Variants in PAK1 observed in about 807,000 individuals in gnomAD.
PAK1 encodes the protein p21 (RAC1) activated kinase 1.
Under a neutral mutation model 67.4 loss-of-function variants are expected in PAK1, and 29 were observed. That is an observed-to-expected ratio of 0.43 (90% CI 0.32 to 0.59). The LOEUF (loss-of-function observed/expected upper bound fraction) is 0.59. PAK1 is among the 20% of genes least tolerant of loss of function. The pLI, the probability that PAK1 is intolerant of heterozygous loss-of-function variation, is 0.07. For missense variants in PAK1, 337 were observed against 670.7 expected, an observed-to-expected ratio of 0.50 and a Z score of 5.50; for synonymous variants, 223 against 237.4, an observed-to-expected ratio of 0.94 and a Z score of 0.56.
chr11:77,355,265 C>T (rs1311736377), intron 7 of PAK1, among the ~76,000 whole-genome samples: 2 of 152,142 alleles, frequency 1.3e-5, no homozygotes, highest in East Asian at 3.8e-4. Context: ...TTCCTACAAC[C>T]AAGATGGCAG....
the PAK1 span, chr11:77,529,962 A>G: frequency 6.6e-6 from 1 of 152,280 alleles, no homozygotes; most frequent in Non-Finnish European, 1.5e-5. Flanking sequence ...GAAGAGTGGC[A>G]GAGTCTGATT....
intron 10 of PAK1, 77 bp downstream of exon 10, chr11:77,343,742 T>C (rs1943990841): frequency 1.2e-6 from 1 of 850,166 alleles, no homozygotes; most frequent in Non-Finnish European, 2.0e-6. Context: ...GGGCTGGCAC[T>C]GCCCTCTTCT....
At chr11:77,325,548 T>C (rs1939600491) in intron 14 of PAK1, among the ~76,000 whole-genome samples, 1 of 152,138 alleles carries the variant, frequency 6.6e-6, no homozygotes. Context: ...ACTTTAGAGG[T>C]CACTAACCTT....
At chr11:77,434,791 G>T (rs368847434) in intron 1 of PAK1, among the ~76,000 whole-genome samples, 1 of 151,922 alleles carries the variant, frequency 6.6e-6, no homozygotes, top group Non-Finnish European at 1.5e-5. Flanking sequence ...GCTAATTTTT[G>T]TATTTTTTGT....
the PAK1 span, among the ~76,000 whole-genome samples, chr11:77,488,258 T>TA: frequency 1.5e-4 from 22 of 151,688 alleles, no homozygotes; most frequent in East Asian, 1.4e-3. Flanking sequence ...TGTAGTGATT[T>TA]AAAAAAAAAC....
At chr11:77,434,341 A>G (rs566131076) in intron 1 of PAK1, among the ~76,000 whole-genome samples, 2 of 152,354 alleles carry the variant, frequency 1.3e-5, no homozygotes, top group South Asian at 4.1e-4. Flanking sequence ...ATACAATAGA[A>G]TATTTTTCAG....
chr11:77,440,821 T>C (rs899926880), intron 1 of PAK1, among the ~76,000 whole-genome samples: 4 of 152,194 alleles, frequency 2.6e-5, no homozygotes, highest in Admixed American at 6.5e-5. Context: ...GCAAGATTCA[T>C]CTGAATTCCT....
intron 1 of PAK1, among the ~76,000 whole-genome samples, chr11:77,394,290 C>T (rs960891372): frequency 3.3e-5 from 5 of 152,166 alleles, no homozygotes; most frequent in Non-Finnish European, 7.3e-5. Flanking sequence ...GATATCCTGG[C>T]TTGGCCTCCA....
intron 1 of PAK1, among the ~76,000 whole-genome samples, chr11:77,425,223 C>T (rs1002474350): frequency 1.3e-5 from 2 of 151,794 alleles, no homozygotes; most frequent in Non-Finnish European, 2.9e-5. Context: ...CATACACATC[C>T]CATTTTAAGG....
At chr11:77,338,520 A>G (rs1414145950) in intron 11 of PAK1, among the ~76,000 whole-genome samples, 1 of 152,198 alleles carries the variant, frequency 6.6e-6, no homozygotes, top group African/African-American at 2.4e-5. Context: ...GCAGGAACGT[A>G]AAACAGTACA....
intron 1 of PAK1, among the ~76,000 whole-genome samples, chr11:77,397,410 T>G (rs917080824): frequency 6.6e-6 from 1 of 152,228 alleles, no homozygotes; most frequent in Non-Finnish European, 1.5e-5. Context: ...CTGCAATTTA[T>G]AAGCCATCGC....
intron 5 of PAK1, among the ~76,000 whole-genome samples, chr11:77,361,166 A>C (rs1946729627): frequency 6.6e-6 from 1 of 152,166 alleles, no homozygotes; most frequent in Admixed American, 6.5e-5. Flanking sequence ...TGTCTGCTCC[A>C]TATAGGAGCA....
intron 14 of PAK1, among the ~76,000 whole-genome samples, chr11:77,330,372 T>A (rs1941190759): frequency 1.3e-5 from 2 of 152,168 alleles, no homozygotes; most frequent in South Asian, 4.1e-4. Context: ...TCACACTACC[T>A]GACTTCAAAC....
chr11:77,404,992 G>A (rs560826826), intron 1 of PAK1, among the ~76,000 whole-genome samples: 4 of 152,304 alleles, frequency 2.6e-5, no homozygotes, highest in South Asian at 4.1e-4. Context: ...AGGGGGAGGC[G>A]CATGCATGGG....
chr11:77,343,692 C>G (rs1943982964), intron 10 of PAK1, 127 bp downstream of exon 10: 3 of 673,718 alleles, frequency 4.5e-6, no homozygotes, highest in Non-Finnish European at 8.1e-6. Context: ...ATACAGAGAG[C>G]TCAGCATCAC....
At chr11:77,464,987 AGAGTGT>A (rs1440363984) in intron 1 of PAK1, among the ~76,000 whole-genome samples, 4 of 87,990 alleles carry the variant, frequency 4.5e-5, no homozygotes, top group African/African-American at 2.7e-4. Flanking sequence ...CATACATGAA[AGAGTGT>A]GTGTGTGTGT....
chr11:77,389,653 G>A (rs182304022), intron 2 of PAK1, among the ~76,000 whole-genome samples: 1 of 152,266 alleles, frequency 6.6e-6, no homozygotes, highest in Non-Finnish European at 1.5e-5. Context: ...ATTTGTATAT[G>A]TTCTTTGGAG....
chr11:77,521,077 C>G, the PAK1 span, among the ~76,000 whole-genome samples: 1 of 152,150 alleles, frequency 6.6e-6, no homozygotes, highest in Non-Finnish European at 1.5e-5. Context: ...CTAGCATGAC[C>G]TTTATGGGAC....
intron 1 of PAK1, among the ~76,000 whole-genome samples, chr11:77,411,419 C>A (rs949901207): frequency 6.6e-6 from 1 of 151,822 alleles, no homozygotes; most frequent in Non-Finnish European, 1.5e-5. Flanking sequence ...CCCCCACAGT[C>A]CCAGCAGGCC....
Sources: allele counts gnomAD v4.1 joint callset (sites outside exome capture counted in the v4.1 genomes callset), GRCh38; gene constraint gnomAD v4.1.1; transcripts MANE v1.5; gene names NCBI Gene and HGNC (gene_info 2026-07-23, HGNC 2026-07-21).